Variants in CACUL1 observed in about 807,000 individuals in gnomAD.
The protein encoded by CACUL1 is CDK2-associated and cullin domain-containing protein 1.
CACUL1 carries 13 observed loss-of-function variants against 45.2 expected under a neutral mutation model. That is an observed-to-expected ratio of 0.29 (90% CI 0.19 to 0.46). The LOEUF (loss-of-function observed/expected upper bound fraction) is 0.46, where lower values mean the gene tolerates loss of function less well. Among genes scored for constraint, CACUL1 ranks in the 20% least tolerant of loss-of-function variants. The pLI is 1.00. For missense variants in CACUL1, 421 were observed against 471.4 expected (o/e 0.89, Z 0.99); for synonymous variants, 197 against 174.2 (o/e 1.13, Z -1.03).
chr10:118,686,620 T>A lies in CACUL1; in HGVS notation c.1047A>T (p.Arg349Ser). The change falls in exon 8 of 9, where the codon AGA (arginine) becomes AGT (serine). Residue 349 changes from arginine (R) to serine (S), a missense_variant. Arg to Ser is a moderately radical substitution (Grantham distance 110, BLOSUM62 -1). This residue lies in a region of CACUL1 where 208 missense variants were observed against 298.4 expected (regional missense o/e 0.70). Coordinates refer to ENST00000369151, the MANE Select transcript of CACUL1 (RefSeq NM_153810.5). Reference sequence around the variant, plus strand: ...TACTATAAGCCAACTCATCCCCAGCTCTCTTCCGGGACTGGTCACCCCTGG... The same window carrying A: ...TACTATAAGCCAACTCATCCCCAGCACTCTTCCGGGACTGGTCACCCCTGG... Reference protein sequence around the residue: ...GFTRGDQSRKRAGDELAYNSS... With the variant: ...GFTRGDQSRKSAGDELAYNSS... 6.2e-7 allele frequency: 1 copy of A among 1,613,444 alleles called. No individual in the cohort carries two copies. Among genetic ancestry groups the A allele is most frequent in the Non-Finnish European group, 8.5e-7 (1 of 1,179,456 alleles).
intron 6 of CACUL1, 148 bp from the exon 7 acceptor site, chr10:118,691,551 C>T (rs1013092508): frequency 1.4e-6 from 1 of 704,364 alleles, no homozygotes; most frequent in African/African-American, 1.8e-5. Context: ...AAAGAACATA[C>T]AAAGTTAAAT....
intron 3 of CACUL1, among the ~76,000 whole-genome samples, chr10:118,710,271 AT>A (rs946990729): frequency 1.3e-5 from 2 of 151,998 alleles, no homozygotes; most frequent in African/African-American, 4.8e-5. Flanking sequence ...ATTGAATGTT[AT>A]TTCCATTTAC....
In CACUL1 at chr10:118,748,121, T is replaced by C. The variant is rs554009856; in HGVS notation, c.367+6275A>G. 2.0e-5 allele frequency among the ~76,000 whole-genome samples: 3 copies of C among 152,180 alleles called. No homozygotes were observed. In the South Asian group the frequency reaches 6.2e-4, roughly 32 times the overall value. On this transcript the variant is annotated intron_variant, in intron 1 of 8. Coordinates refer to ENST00000369151, the MANE Select transcript of CACUL1 (RefSeq NM_153810.5). ...AGAGAGACAGAGAAACATAGGGAAGTATTTCAGGGTGACAGAAATGTTCTC... is the reference window on the plus strand; with the variant it reads ...AGAGAGACAGAGAAACATAGGGAAGCATTTCAGGGTGACAGAAATGTTCTC...
chr10:118,724,459 G>A (rs1194493115), intron 3 of CACUL1, among the ~76,000 whole-genome samples: 1 of 152,144 alleles, frequency 6.6e-6, no homozygotes, highest in Non-Finnish European at 1.5e-5. Context: ...ACCCAGTAGA[G>A]TCATAGTTAA....
rs567892031 is a variant in CACUL1, at chr10:118,686,115, T to G, written c.*13A>C. 3 of 1,605,198 alleles carry G rather than the reference T, an allele frequency of 1.9e-6. No individual in the cohort carries two copies. The African/African-American group carries it at 4.0e-5, about 21-fold the overall frequency. ...TCCTCTTTTCAGGAAGGAAAGCATA[T>G]TCAATACATTCACTATCTGTACCCC... On this transcript the variant is annotated 3_prime_UTR_variant, in exon 9 of 9. Coordinates refer to ENST00000369151, the MANE Select transcript of CACUL1 (RefSeq NM_153810.5).
In CACUL1 at chr10:118,714,574, C is replaced by G. The variant is rs1001576064; in HGVS notation, c.598-6987G>C. On this transcript the variant is annotated intron_variant, in intron 3 of 8. Coordinates refer to ENST00000369151, the MANE Select transcript of CACUL1 (RefSeq NM_153810.5). Reference sequence around the variant, plus strand: ...AGTTCACTAATTTCTGAGAAAATGTCTGTCAAATACCAAAGTCTAACCGTA... The same window carrying G: ...AGTTCACTAATTTCTGAGAAAATGTGTGTCAAATACCAAAGTCTAACCGTA... Among the ~76,000 whole-genome samples, 5 of 152,152 alleles carry G rather than the reference C, an allele frequency of 3.3e-5. No homozygotes were observed. The East Asian group carries it at 9.6e-4, about 29-fold the overall frequency.
chr10:118,746,151 CAAAA>C (rs376453440), intron 1 of CACUL1, among the ~76,000 whole-genome samples: 1 of 91,278 alleles, frequency 1.1e-5, no homozygotes, highest in Non-Finnish European at 2.3e-5. Flanking sequence ...GACACTGTCT[CAAAA>C]AAAAAAAAAA....
chr10:118,707,606 G>A lies in CACUL1; in HGVS notation c.598-19C>T, dbSNP rs1205605780. The A allele has an allele frequency of 1.2e-5, 14 of 1,214,636 alleles. No individual in the cohort carries two copies. Among genetic ancestry groups the A allele is most frequent in the African/African-American group, 3.0e-5 (2 of 65,872 alleles). 75.2% of individuals were successfully genotyped at this position (1,214,636 alleles called of 1,614,324 possible). A position where few individuals can be genotyped will look rare whatever the true frequency, so the allele number is the denominator to read the frequency against. ...GGCTGGCCTGTGAGAAAGAACAGAA[G>A]TGTGATCAATCTGGGAAACCAGGGA... On this transcript the variant is annotated intron_variant, in intron 3 of 8. Coordinates refer to ENST00000369151, the MANE Select transcript of CACUL1 (RefSeq NM_153810.5).
At chr10:118,749,269 A>G (rs1252997429) in intron 1 of CACUL1, among the ~76,000 whole-genome samples, 16 of 152,188 alleles carry the variant, frequency 1.1e-4, no homozygotes, top group Admixed American at 9.8e-4. Flanking sequence ...ACTTCCAGAT[A>G]TAAAATGGGC....
intron 1 of CACUL1, among the ~76,000 whole-genome samples, chr10:118,739,132 C>G (rs954699860): frequency 4.0e-5 from 6 of 150,888 alleles, no homozygotes; most frequent in Admixed American, 1.3e-4. Context: ...GGAGGTGGAG[C>G]TTGCAGTGAG....
Position 118,685,082 on chromosome 10 carries a change from T to C in CACUL1, c.*1046A>G, listed in dbSNP as rs574346040. On this transcript the variant is annotated 3_prime_UTR_variant, in exon 9 of 9. Coordinates refer to ENST00000369151, the MANE Select transcript of CACUL1 (RefSeq NM_153810.5). Reference sequence around the variant, plus strand: ...TATAATGTTCAAATGACAGACTTTTTTTAAGTAATTATCTCATTCATTTAA... The same window carrying C: ...TATAATGTTCAAATGACAGACTTTTCTTAAGTAATTATCTCATTCATTTAA... 1.3e-5 allele frequency: 2 copies of C among 152,326 alleles called. No individual in the cohort carries two copies. Among genetic ancestry groups the C allele is most frequent in the Non-Finnish European group, 2.9e-5 (2 of 68,036 alleles). The allele number at this position is 152,326 out of a possible 1,614,324, so 9.4% of individuals were successfully genotyped here.
At chr10:118,688,764 A>G (rs183468971) in intron 7 of CACUL1, among the ~76,000 whole-genome samples, 47 of 152,304 alleles carry the variant, frequency 3.1e-4, no homozygotes, top group Admixed American at 2.8e-3. Context: ...TAAGAGATAA[A>G]AAGAAGCTGT....
intron 6 of CACUL1, among the ~76,000 whole-genome samples, chr10:118,694,332 CTTA>C (rs1845300034): frequency 6.6e-6 from 1 of 152,174 alleles, no homozygotes; most frequent in South Asian, 2.1e-4. Context: ...TGTTTGCATG[CTTA>C]TTATGTTATC....
chr10:118,692,803 TA>T (rs1564828489), intron 6 of CACUL1: 1 of 152,130 alleles, frequency 6.6e-6, no homozygotes, highest in Admixed American at 6.5e-5. Flanking sequence ...CTGTGGTAAG[TA>T]AAAAAGTAGA....
At chr10:118,747,522 AT>A (rs1372060665) in intron 1 of CACUL1, among the ~76,000 whole-genome samples, 1 of 94,014 alleles carries the variant, frequency 1.1e-5, no homozygotes, top group Non-Finnish European at 2.2e-5. Context: ...CAAATTAATG[AT>A]TTTTTGGTAA....
At chr10:118,738,370 G>A (rs1419453611) in intron 1 of CACUL1, among the ~76,000 whole-genome samples, 4 of 152,190 alleles carry the variant, frequency 2.6e-5, no homozygotes, top group Non-Finnish European at 4.4e-5. Context: ...AGAACTGGCA[G>A]ATTAAGCAGA....
At position 118,695,157 on chromosome 10, in the gene CACUL1, C is replaced by A. The variant is rs766473161; in HGVS notation, c.870G>T (p.Leu290=). The change falls in exon 6 of 9, where the codon CTG becomes CTT. Residue 290 remains leucine, a synonymous_variant. Transcript: ENST00000369151. ...AATGTTTACCTGGTCTGAGGGTATA[C>A]AGGCCTTTCACAATATTTGCCATAG... The part of the protein sequence containing the change: ...PSTMANIVKG[L]YTLRPEWVQM... The A allele has an allele frequency of 1.0e-5, 16 of 1,594,678 alleles. No homozygotes were observed. The highest frequency in any genetic ancestry group is 1.4e-5 in the Non-Finnish European group (16 of 1,162,378).
intron 1 of CACUL1, among the ~76,000 whole-genome samples, chr10:118,740,172 A>G (rs892015716): frequency 6.6e-6 from 1 of 151,802 alleles, no homozygotes; most frequent in South Asian, 2.1e-4. Flanking sequence ...AAACAAAAAG[A>G]GTAAGTTCAA....
chr10:118,752,342 C>G (rs1378118686), intron 1 of CACUL1, among the ~76,000 whole-genome samples: 1 of 151,926 alleles, frequency 6.6e-6, no homozygotes, highest in Non-Finnish European at 1.5e-5. Context: ...TCCTAGGTTA[C>G]CAAGAGTTTT....
Sources: allele counts gnomAD v4.1 joint callset (sites outside exome capture counted in the v4.1 genomes callset), GRCh38; gene constraint gnomAD v4.1.1; regional missense constraint gnomAD v4.1.1; transcripts MANE v1.5; gene names NCBI Gene and HGNC (gene_info 2026-07-23, HGNC 2026-07-21).